The following FHIT variants were observed in gnomAD, a reference collection of about 807,000 sequenced individuals.
FHIT encodes bis(5'-adenosyl)-triphosphatase.
A neutral mutation model predicts 17.9 loss-of-function variants in FHIT; 19 were observed. The ratio of observed to expected loss-of-function variants is 1.06; its 90% confidence interval spans 0.74 to 1.56. FHIT has a LOEUF of 1.56. FHIT is among the 40% of genes most tolerant of loss of function. The pLI, the probability that FHIT is intolerant of heterozygous loss-of-function variation, is 0.00. For synonymous variants in FHIT, 81 were observed against 69.7 expected (o/e 1.16, Z -0.81); for missense variants, 248 against 189.2 (o/e 1.31, Z -1.82).
chr3:60,363,518 C>T lies in FHIT; in HGVS notation c.103+173342G>A, dbSNP rs530976373. Among the ~76,000 whole-genome samples, 7 of 152,232 alleles carry T rather than the reference C, an allele frequency of 4.6e-5. No individual in the cohort carries two copies. The East Asian group carries it at 1.2e-3, about 25-fold the overall frequency. ...CCCACAACTCTGACTTGTATACTGC[C>T]GCTATCCCTGTTTTACAGGTGAGTA... is the stretch of plus-strand genomic sequence containing the variant. On this transcript the variant is annotated intron_variant, in intron 5 of 9. Transcript: ENST00000492590.
intron 7 of FHIT, among the ~76,000 whole-genome samples, chr3:59,962,051 C>T (rs1241942906): frequency 6.6e-6 from 1 of 152,168 alleles, no homozygotes; most frequent in Non-Finnish European, 1.5e-5. Context: ...TTCTAGAAAA[C>T]AATTCATTTC....
intron 5 of FHIT, among the ~76,000 whole-genome samples, chr3:60,342,285 A>C (rs568528963): frequency 6.6e-6 from 1 of 152,242 alleles, no homozygotes; most frequent in Admixed American, 6.5e-5. Context: ...TTTGCATAGC[A>C]TATCAGGCAG....
chr3:60,389,391 G>A (rs925368156), intron 5 of FHIT, among the ~76,000 whole-genome samples: 1 of 152,132 alleles, frequency 6.6e-6, no homozygotes, highest in Admixed American at 6.6e-5. Flanking sequence ...GTGCAGTAAG[G>A]CATCTTGCTT....
chr3:61,069,696 G>A (rs920802442), intron 2 of FHIT, among the ~76,000 whole-genome samples: 5 of 152,162 alleles, frequency 3.3e-5, no homozygotes, highest in African/African-American at 7.2e-5. Context: ...CCAGCATTGC[G>A]TGATTTTAAA....
intron 3 of FHIT, among the ~76,000 whole-genome samples, chr3:60,841,805 TA>T (rs1213570638): frequency 6.6e-6 from 1 of 152,054 alleles, no homozygotes; most frequent in African/African-American, 2.4e-5. Flanking sequence ...TTCCTCAATT[TA>T]AAAAAATATA....
chr3:61,036,323 T>C (rs1575881898), intron 3 of FHIT, among the ~76,000 whole-genome samples: 1 of 141,458 alleles, frequency 7.1e-6, no homozygotes, highest in Non-Finnish European at 1.5e-5. Flanking sequence ...CAGCCCCCCC[T>C]GATCTAATCA....
intron 7 of FHIT, among the ~76,000 whole-genome samples, chr3:59,943,866 C>T (rs1157578198): frequency 6.6e-6 from 1 of 152,180 alleles, no homozygotes; most frequent in Non-Finnish European, 1.5e-5. Flanking sequence ...CTCATCACAC[C>T]ACTGACTGCT....
In FHIT at chr3:60,120,010, T is replaced by C. The variant is rs1259995611; in HGVS notation, c.104-105858A>G. On this transcript the variant is annotated intron_variant, in intron 5 of 9. Coordinates refer to ENST00000492590, the MANE Select transcript of FHIT (RefSeq NM_002012.4). ...AGCTGCTTCTTCCCTGCTTAAAAAA[T>C]CAGCCTAATCAACATTCCTGAAGCT... 5.9e-5 allele frequency among the ~76,000 whole-genome samples: 9 copies of C among 152,070 alleles called. No individual in the cohort carries two copies. In the South Asian group the frequency reaches 1.9e-3, roughly 32 times the overall value.
intron 4 of FHIT, among the ~76,000 whole-genome samples, chr3:60,795,025 G>C (rs1700927779): frequency 6.6e-6 from 1 of 152,086 alleles, no homozygotes; most frequent in Non-Finnish European, 1.5e-5. Context: ...CGTTCCTTTA[G>C]TTATGTATGA....
Position 60,015,349 on chromosome 3 carries a change from A to T in FHIT, c.104-1197T>A, listed in dbSNP as rs897876972. On this transcript the variant is annotated intron_variant, in intron 5 of 9. Coordinates refer to ENST00000492590, the MANE Select transcript of FHIT (RefSeq NM_002012.4). ...TGCTCATAATCAGGAAATTCATGTCAATGGTAAACTAGGAAAAGAAGCATT... is the reference window on the plus strand; with the variant it reads ...TGCTCATAATCAGGAAATTCATGTCTATGGTAAACTAGGAAAAGAAGCATT... 5.9e-5 allele frequency among the ~76,000 whole-genome samples: 9 copies of T among 152,190 alleles called. 1 individual carries two copies. Among genetic ancestry groups the T allele is most frequent in the Non-Finnish European group, 1.3e-4 (9 of 68,026 alleles).
chr3:61,168,983 G>T (rs553504573), intron 2 of FHIT, among the ~76,000 whole-genome samples: 1 of 152,228 alleles, frequency 6.6e-6, no homozygotes, highest in Middle Eastern at 3.4e-3. Context: ...CTTGTGTGTG[G>T]TCATCCCCAA....
At chr3:60,018,601 G>C (rs1295776173) in intron 5 of FHIT, among the ~76,000 whole-genome samples, 1 of 151,998 alleles carries the variant, frequency 6.6e-6, no homozygotes, top group African/African-American at 2.4e-5. Context: ...ACCTTCTAGA[G>C]TCAGGAGAGC....
At chr3:61,027,139 T>C (rs1685596012) in intron 3 of FHIT, among the ~76,000 whole-genome samples, 1 of 152,234 alleles carries the variant, frequency 6.6e-6, no homozygotes, top group Admixed American at 6.5e-5. Context: ...CAGGCTACAG[T>C]GCAGTGGCGC....
At chr3:59,823,270 T>C (rs1700858863) in intron 8 of FHIT, among the ~76,000 whole-genome samples, 1 of 152,220 alleles carries the variant, frequency 6.6e-6, no homozygotes, top group Non-Finnish European at 1.5e-5. Context: ...GCTTTGGCTA[T>C]GTGGGCTCTT....
intron 4 of FHIT, among the ~76,000 whole-genome samples, chr3:60,813,424 G>T (rs1701631941): frequency 6.6e-6 from 1 of 152,048 alleles, no homozygotes; most frequent in South Asian, 2.1e-4. Context: ...ACCAGCATAG[G>T]CTTAATGCCT....
At chr3:61,023,019 A>T (rs2032537937) in intron 3 of FHIT, among the ~76,000 whole-genome samples, 1 of 152,208 alleles carries the variant, frequency 6.6e-6, no homozygotes, top group Non-Finnish European at 1.5e-5. Context: ...AAAGAAATAA[A>T]GCATATTCAA....
At chr3:59,956,019 A>G (rs758608024) in intron 7 of FHIT, among the ~76,000 whole-genome samples, 1 of 152,044 alleles carries the variant, frequency 6.6e-6, no homozygotes, top group Non-Finnish European at 1.5e-5. Flanking sequence ...ACTTCTTCAA[A>G]CTTCTCCAGG....
At chr3:61,119,262 A>G (rs2106915820) in intron 2 of FHIT, among the ~76,000 whole-genome samples, 1 of 151,990 alleles carries the variant, frequency 6.6e-6, no homozygotes, top group Non-Finnish European at 1.5e-5. Flanking sequence ...TCTGTCGCCC[A>G]GGCTGGAGTG....
At chr3:60,810,130 A>G (rs960439871) in intron 4 of FHIT, among the ~76,000 whole-genome samples, 4 of 152,186 alleles carry the variant, frequency 2.6e-5, no homozygotes, top group Non-Finnish European at 4.4e-5. Context: ...GTCAGCCTCA[A>G]CACACCCAAG....
Sources: gnomAD v4.1 joint callset for allele counts (sites outside exome capture counted in the v4.1 genomes callset) on GRCh38, gnomAD v4.1.1 for gene constraint, MANE v1.5 for transcripts, NCBI Gene and HGNC (gene_info 2026-07-23, HGNC 2026-07-21) for gene names.